Variants in AMPH observed in about 807,000 individuals in gnomAD.
AMPH encodes amphiphysin (Stiff-Mann syndrome with breast cancer 128kD autoantigen).
AMPH carries 49 observed loss-of-function variants against 99.1 expected under a neutral mutation model. The observed-to-expected ratio is 0.49, with a 90% CI of 0.39 to 0.63. The LOEUF is 0.63. Among genes scored for constraint, AMPH ranks in the 20% least tolerant of loss-of-function variants. The pLI, the probability that AMPH is intolerant of heterozygous loss-of-function variation, is 0.00. For missense variants in AMPH, 759 were observed against 863.4 expected (o/e 0.88, Z 1.52); for synonymous variants, 314 against 317.3 (o/e 0.99, Z 0.11).
In AMPH at chr7:38,523,063, G is replaced by A. The variant is rs144165708; in HGVS notation, c.150+11868C>T. On this transcript the variant is annotated intron_variant, in intron 2 of 20. Coordinates refer to ENST00000356264, the MANE Select transcript of AMPH (RefSeq NM_001635.4). ...GCAGAGGTTGCAGTGAGTGGCGATC[G>A]CACCTCTGCACTCCAGCCTGGGCAA... Among the ~76,000 whole-genome samples, 472 of 150,182 alleles carry A rather than the reference G, an allele frequency of 3.1e-3. 3 individuals are homozygous for A. The highest frequency in any genetic ancestry group is 0.01 in the African/African-American group (427 of 40,772).
chr7:38,610,152 CT>C (rs1469754089), intron 1 of AMPH, among the ~76,000 whole-genome samples: 1 of 146,418 alleles, frequency 6.8e-6, no homozygotes, highest in African/African-American at 2.5e-5. Flanking sequence ...AGGAGAATTG[CT>C]TGAACCTAGG....
chr7:38,500,559 C>T (rs1456442653), intron 3 of AMPH, among the ~76,000 whole-genome samples: 1 of 152,154 alleles, frequency 6.6e-6, no homozygotes, highest in African/African-American at 2.4e-5. Context: ...TCTCTATAAG[C>T]AGCACGCTCC....
At chr7:38,566,349 G>C (rs1791743699) in intron 1 of AMPH, among the ~76,000 whole-genome samples, 1 of 151,804 alleles carries the variant, frequency 6.6e-6, no homozygotes, top group South Asian at 2.1e-4. Flanking sequence ...TGTTACCCAG[G>C]CTGGCCTCAA....
chr7:38,425,895 T>G (rs372234572), intron 15 of AMPH, among the ~76,000 whole-genome samples: 4 of 152,306 alleles, frequency 2.6e-5, no homozygotes, highest in East Asian at 1.9e-4. Flanking sequence ...TAAAATTATG[T>G]GCATTAATAA....
chr7:38,462,458 C>G (rs901978057), intron 10 of AMPH, among the ~76,000 whole-genome samples: 3 of 152,142 alleles, frequency 2.0e-5, no homozygotes, highest in Admixed American at 6.5e-5. Flanking sequence ...TCTACAGTTA[C>G]CTTTGCCCAG....
At chr7:38,455,166 G>A (rs1049541243) in intron 11 of AMPH, among the ~76,000 whole-genome samples, 20 of 151,574 alleles carry the variant, frequency 1.3e-4, no homozygotes, top group Middle Eastern at 3.4e-3. Flanking sequence ...CGCAACCTCC[G>A]CCTCCCACCT....
Position 38,571,031 on chromosome 7 carries a change from A to T in AMPH, c.70-36020T>A, listed in dbSNP as rs1382718866. Reference sequence around the variant, plus strand: ...ATAGAATATATATATTCATATATTGAATATATATAGAATATATATATTCAT... The same window carrying T: ...ATAGAATATATATATTCATATATTGTATATATATAGAATATATATATTCAT... On this transcript the variant is annotated intron_variant, in intron 1 of 20. Coordinates refer to ENST00000356264, the MANE Select transcript of AMPH (RefSeq NM_001635.4). Among the ~76,000 whole-genome samples, 111 of 13,852 alleles carry T rather than the reference A, an allele frequency of 8.0e-3. 13 individuals carry two copies. The highest frequency in any genetic ancestry group is 0.025 in the African/African-American group (105 of 4,252). 9.1% of individuals were successfully genotyped at this position (13,852 alleles called of 152,430 possible).
intron 3 of AMPH, among the ~76,000 whole-genome samples, chr7:38,497,118 T>C (rs772124430): frequency 1.3e-5 from 2 of 152,130 alleles, no homozygotes; most frequent in African/African-American, 4.8e-5. Flanking sequence ...ATCTACTCCA[T>C]AGGATGCACT....
chr7:38,585,845 T>C (rs1792626318), intron 1 of AMPH, among the ~76,000 whole-genome samples: 2 of 152,342 alleles, frequency 1.3e-5, no homozygotes, highest in Admixed American at 1.3e-4. Flanking sequence ...GATGGGAACA[T>C]TAAGTATAAA....
At chr7:38,432,549 A>G (rs1345050249) in intron 12 of AMPH, among the ~76,000 whole-genome samples, 2 of 151,966 alleles carry the variant, frequency 1.3e-5, no homozygotes, top group African/African-American at 4.8e-5. Context: ...CTATGTGAGT[A>G]GAAAACTATA....
At position 38,536,864 on chromosome 7, in the gene AMPH, A is replaced by T. The variant is rs149054780; in HGVS notation, c.70-1853T>A. Among the ~76,000 whole-genome samples the T allele has an allele frequency of 2.1e-3, 324 of 152,262 alleles. 3 individuals are homozygous for T. Among genetic ancestry groups the T allele is most frequent in the African/African-American group, 7.0e-3 (292 of 41,576 alleles). ...ATTTTTGGAAGAATAGGGCATTATA[A>T]CTAGGGAAGACTTGATAAACATAAG... On this transcript the variant is annotated intron_variant, in intron 1 of 20. Coordinates refer to ENST00000356264, the MANE Select transcript of AMPH (RefSeq NM_001635.4).
chr7:38,393,918 A>T, intron 18 of AMPH, 87 bp downstream of exon 18: 1 of 1,291,526 alleles, frequency 7.7e-7, no homozygotes, highest in Admixed American at 1.7e-5. Flanking sequence ...TATACATCCA[A>T]AGAGTTATCA....
chr7:38,487,089 C>A (rs1788527995), intron 5 of AMPH, among the ~76,000 whole-genome samples: 4 of 152,130 alleles, frequency 2.6e-5, no homozygotes, highest in African/African-American at 9.6e-5. Flanking sequence ...TAAAATTCAT[C>A]CAGATTGGAA....
chr7:38,622,634 G>T (rs1794112401), intron 1 of AMPH, among the ~76,000 whole-genome samples: 1 of 152,174 alleles, frequency 6.6e-6, no homozygotes, highest in Non-Finnish European at 1.5e-5. Flanking sequence ...AAGTGGAAGA[G>T]TAGAGTGGAA....
intron 15 of AMPH, among the ~76,000 whole-genome samples, chr7:38,425,377 TAGG>T (rs1785747237): frequency 6.6e-6 from 1 of 152,144 alleles, no homozygotes; most frequent in Non-Finnish European, 1.5e-5. Flanking sequence ...TTCAGCAAAA[TAGG>T]AGATTTGTAT....
In AMPH at chr7:38,526,379, C is replaced by T. The variant is rs146176920; in HGVS notation, c.150+8552G>A. On this transcript the variant is annotated intron_variant, in intron 2 of 20. Coordinates refer to ENST00000356264, the MANE Select transcript of AMPH (RefSeq NM_001635.4). ...CCGCCTCCAGGGTTCAAGCAATTCTCTCACCTCAGCCTCGCAAGTAGCTGG... is the reference window on the plus strand; with the variant it reads ...CCGCCTCCAGGGTTCAAGCAATTCTTTCACCTCAGCCTCGCAAGTAGCTGG... 2.1e-3 allele frequency among the ~76,000 whole-genome samples: 317 copies of T among 150,064 alleles called. 1 individual carries two copies. The highest frequency in any genetic ancestry group is 7.4e-3 in the African/African-American group (303 of 40,874).
In AMPH at chr7:38,465,558, A is replaced by C. The variant is rs1482631455; in HGVS notation, c.667-9T>G. The C allele has an allele frequency of 1.3e-6, 2 of 1,570,866 alleles. No homozygotes were observed. The highest frequency in any genetic ancestry group is 1.7e-6 in the Non-Finnish European group (2 of 1,155,748). On this transcript the variant is annotated splice_polypyrimidine_tract_variant and intron_variant, in intron 8 of 20. Coordinates refer to ENST00000356264, the MANE Select transcript of AMPH (RefSeq NM_001635.4). ...TACAGTTTGTGGCAAAGCTAAGGGG[A>C]CAGAGGCCACTTGTCTATTAGTCAC...
In AMPH at chr7:38,384,111, T is replaced by TG. The variant is rs1784287372; in HGVS notation, c.*706dup. The TG allele has an allele frequency of 6.6e-6, 1 of 152,358 alleles. No individual in the cohort carries two copies. Among genetic ancestry groups the TG allele is most frequent in the Non-Finnish European group, 1.5e-5 (1 of 68,126 alleles). 9.4% of individuals were successfully genotyped at this position (152,358 alleles called of 1,614,324 possible). A position where few individuals can be genotyped will look rare whatever the true frequency, so the allele number is the denominator to read the frequency against. ...CAAACACAGATACTGTTGACTCTTT[T>TG]GCCAATGGGATGGCTGGTTTTGCCA... On this transcript the variant is annotated 3_prime_UTR_variant, in exon 21 of 21. Transcript: ENST00000356264.
At chr7:38,590,403 G>A (rs1310167421) in intron 1 of AMPH, among the ~76,000 whole-genome samples, 1 of 152,168 alleles carries the variant, frequency 6.6e-6, no homozygotes, top group African/African-American at 2.4e-5. Context: ...AGCAGTGGTG[G>A]ATGGTGAGTG....
Sources: allele counts gnomAD v4.1 joint callset (sites outside exome capture counted in the v4.1 genomes callset), GRCh38; gene constraint gnomAD v4.1.1; transcripts MANE v1.5; gene names NCBI Gene and HGNC (gene_info 2026-07-23, HGNC 2026-07-21).